Variants in MACROD2 observed in about 807,000 individuals in gnomAD.
The protein encoded by MACROD2 is mono-ADP ribosylhydrolase 2, also known as ADP-ribose glycohydrolase MACROD2.
In MACROD2, 36 loss-of-function variants were observed where a neutral mutation model predicts 70.4. That is an observed-to-expected ratio of 0.51 (90% CI 0.39 to 0.68). The LOEUF (loss-of-function observed/expected upper bound fraction) is 0.68, where lower values mean the gene tolerates loss of function less well. Ranked by LOEUF, MACROD2 falls within the 30% of genes least tolerant of loss-of-function variation. The pLI is 0.00. For synonymous variants in MACROD2, 172 were observed against 178.8 expected (o/e 0.96, Z 0.30); for missense variants, 496 against 538.4 (o/e 0.92, Z 0.78).
chr20:15,718,367 T>C (rs1247260584), intron 8 of MACROD2, among the ~76,000 whole-genome samples: 1 of 152,214 alleles, frequency 6.6e-6, no homozygotes, highest in Non-Finnish European at 1.5e-5. Context: ...GCTTAATTTC[T>C]ACCAAAAACA....
chr20:15,692,692 G>C (rs550527801), intron 8 of MACROD2, among the ~76,000 whole-genome samples: 1 of 152,076 alleles, frequency 6.6e-6, no homozygotes, highest in Non-Finnish European at 1.5e-5. Context: ...AAGTCCTAAT[G>C]ACAAAAGTAA....
At position 14,465,517 on chromosome 20, in the gene MACROD2, T is replaced by C. The variant is rs545762828; in HGVS notation, c.272-27962T>C. ...GCCAGTCTGTGGCTTTTAATTGGAG[T>C]ATTTAGCCCATTTATATTTAAGGTT... On this transcript the variant is annotated intron_variant, in intron 3 of 17. Transcript: ENST00000684519. Among the ~76,000 whole-genome samples the C allele has an allele frequency of 3.4e-4, 52 of 152,128 alleles. No individual in the cohort carries two copies. In the South Asian group the frequency reaches 1.0e-2, roughly 29 times the overall value.
intron 5 of MACROD2, among the ~76,000 whole-genome samples, chr20:14,973,724 ATAAATACTTAATGTGTCCCCTCTGTAT>A (rs1164787197): frequency 2.0e-5 from 3 of 152,182 alleles, no homozygotes; most frequent in Non-Finnish European, 4.4e-5. Flanking sequence ...TTTCCATTTA[ATAAATACTTAATGTGTCCCCTCTGTAT>A]GGAAGATAGG....
chr20:14,974,701 G>A (rs1369677977), intron 5 of MACROD2, among the ~76,000 whole-genome samples: 2 of 152,144 alleles, frequency 1.3e-5, no homozygotes, highest in East Asian at 3.9e-4. Flanking sequence ...GGAGCAAAGG[G>A]AATACATACC....
At chr20:15,115,453 G>A (rs1191485346) in intron 5 of MACROD2, among the ~76,000 whole-genome samples, 1 of 151,952 alleles carries the variant, frequency 6.6e-6, no homozygotes, top group Admixed American at 6.6e-5. Flanking sequence ...TGAACTCCTG[G>A]CCTCAAGTGA....
intron 8 of MACROD2, among the ~76,000 whole-genome samples, chr20:15,548,131 T>C (rs2048048959): frequency 6.6e-6 from 1 of 152,174 alleles, no homozygotes; most frequent in Admixed American, 6.5e-5. Flanking sequence ...TCCACCTATC[T>C]GGTCATTTAA....
intron 13 of MACROD2, among the ~76,000 whole-genome samples, chr20:15,983,026 A>G (rs1704702696): frequency 6.6e-6 from 1 of 152,190 alleles, no homozygotes; most frequent in African/African-American, 2.4e-5. Context: ...GAGTGTAAAG[A>G]GTTTTGTCAG....
chr20:15,055,423 A>G lies in MACROD2; in HGVS notation c.419-174517A>G, dbSNP rs540981236. Among the ~76,000 whole-genome samples, 3 of 152,290 alleles carry G rather than the reference A, an allele frequency of 2.0e-5. No individual in the cohort carries two copies. The South Asian group carries it at 6.2e-4, about 32-fold the overall frequency. On this transcript the variant is annotated intron_variant, in intron 5 of 17. Transcript: ENST00000684519. ...TCTCTGGGTCTTGGTTTTCTCATCT[A>G]AAAGCATGAAGGTTGAGTGAGATTA...
In MACROD2 at chr20:15,750,434, A is replaced by G. The variant is rs8114140; in HGVS notation, c.646-112311A>G. Among the ~76,000 whole-genome samples, 868 of 152,212 alleles carry G rather than the reference A, an allele frequency of 5.7e-3. 10 individuals carry two copies. Among genetic ancestry groups the G allele is most frequent in the African/African-American group, 0.02 (837 of 41,566 alleles). On this transcript the variant is annotated intron_variant, in intron 8 of 17. Transcript: ENST00000684519. ...GTCCTCGAGAAAACGTAGTTTTCAT[A>G]ATTTTAATTTGACAAAATTTTTAAA...
Position 14,388,798 on chromosome 20 carries a change from G to C in MACROD2, c.272-104681G>C, listed in dbSNP as rs553366752. Among the ~76,000 whole-genome samples the C allele has an allele frequency of 3.3e-5, 5 of 152,120 alleles. No homozygotes were observed. The East Asian group carries it at 7.7e-4, about 24-fold the overall frequency. On this transcript the variant is annotated intron_variant, in intron 3 of 17. Coordinates refer to ENST00000684519, the MANE Select transcript of MACROD2 (RefSeq NM_001351661.2). ...CAGTGGCATTTTATATGGGTCCCAT[G>C]GTGGTTATTCAAGATTTATGGTATC... is the stretch of plus-strand genomic sequence containing the variant.
intron 15 of MACROD2, among the ~76,000 whole-genome samples, chr20:16,005,440 G>A (rs1189090800): frequency 1.3e-5 from 2 of 152,144 alleles, no homozygotes; most frequent in Non-Finnish European, 2.9e-5. Context: ...GCTAAACGCA[G>A]GCTGTTCACC....
intron 5 of MACROD2, among the ~76,000 whole-genome samples, chr20:14,920,560 A>G (rs548220368): frequency 3.1e-4 from 47 of 152,308 alleles, no homozygotes; most frequent in Non-Finnish European, 3.4e-4. Context: ...TTTAGAATAA[A>G]TTATTGAAGA....
At chr20:15,122,354 G>C (rs545345374) in intron 5 of MACROD2, among the ~76,000 whole-genome samples, 1 of 152,190 alleles carries the variant, frequency 6.6e-6, no homozygotes, top group South Asian at 2.1e-4. Context: ...GTGAACATTG[G>C]GAATAAAGCC....
intron 2 of MACROD2, among the ~76,000 whole-genome samples, chr20:14,011,939 C>T (rs542216116): frequency 3.3e-5 from 5 of 150,914 alleles, no homozygotes; most frequent in South Asian, 2.1e-4. Context: ...GGCAGAGTCT[C>T]GCTCTGTCGC....
At chr20:14,851,429 C>T (rs1372870066) in intron 5 of MACROD2, among the ~76,000 whole-genome samples, 5 of 152,176 alleles carry the variant, frequency 3.3e-5, no homozygotes, top group Non-Finnish European at 7.3e-5. Flanking sequence ...ATTTAATCTC[C>T]TCTCACCCTG....
chr20:14,720,556 T>TG (rs2071453889), intron 5 of MACROD2, among the ~76,000 whole-genome samples: 1 of 117,132 alleles, frequency 8.5e-6, no homozygotes, highest in Non-Finnish European at 1.7e-5. Flanking sequence ...TTTTTTTTTT[T>TG]TTTTTTTTTT....
At chr20:15,093,966 T>C (rs754269806) in intron 5 of MACROD2, among the ~76,000 whole-genome samples, 1 of 152,202 alleles carries the variant, frequency 6.6e-6, no homozygotes, top group Non-Finnish European at 1.5e-5. Context: ...AGAGCCAGCT[T>C]ATCACCTGGG....
chr20:14,922,291 GCTTTTTTTTGTATGTAT>G (rs985676483), intron 5 of MACROD2, among the ~76,000 whole-genome samples: 1 of 151,966 alleles, frequency 6.6e-6, no homozygotes, highest in Admixed American at 6.6e-5. Flanking sequence ...GTTTTTTCCT[GCTTTTTTTTGTATGTAT>G]CTGTTTTTAG....
chr20:15,959,558 G>A (rs1383390744), intron 12 of MACROD2, among the ~76,000 whole-genome samples: 2 of 152,008 alleles, frequency 1.3e-5, no homozygotes, highest in African/African-American at 2.4e-5. Flanking sequence ...AGACAGACTC[G>A]CACTGTGTCA....
Sources: gnomAD v4.1 joint callset for allele counts (sites outside exome capture counted in the v4.1 genomes callset) on GRCh38, gnomAD v4.1.1 for gene constraint, MANE v1.5 for transcripts, NCBI Gene and HGNC (gene_info 2026-07-23, HGNC 2026-07-21) for gene names.